KCNAB3: variants seen among roughly 807,000 people sequenced by gnomAD.
KCNAB3 encodes the protein voltage-gated potassium channel subunit beta-3.
Under a neutral mutation model 67.7 loss-of-function variants are expected in KCNAB3, and 62 were observed. The observed-to-expected ratio is 0.92, with a 90% CI of 0.75 to 1.13. KCNAB3 has a LOEUF of 1.13. Ranked by LOEUF, KCNAB3 falls within the 50% of genes most tolerant of loss-of-function variation. The pLI is 0.00. For synonymous variants in KCNAB3, 212 were observed against 205.4 expected (o/e 1.03, Z -0.27); for missense variants, 514 against 522.9 (o/e 0.98, Z 0.17).
chr17:7,926,651 G>A (rs1972242372), intron 4 of KCNAB3, among the ~76,000 whole-genome samples: 1 of 152,152 alleles, frequency 6.6e-6, no homozygotes, highest in South Asian at 2.1e-4. Flanking sequence ...TTACTGAAAT[G>A]TTTTACCGTT....
intron 11 of KCNAB3, 22 bp from the exon 12 acceptor site, chr17:7,923,853 C>T (rs1348108190): frequency 7.0e-6 from 11 of 1,563,778 alleles, no homozygotes; most frequent in Non-Finnish European, 8.7e-6. Context: ...GAAGAATCAA[C>T]AGAAGACCCC....
Position 7,929,835 on chromosome 17 carries a change from G to GAGTAT in KCNAB3, c.-401_-400insATACT. ...TGCGGGACCCGCTGGGCTCCCAGCC[G>GAGTAT]CGTCGGCAGCGGGCCCAGCTCATCA... On this transcript the variant is annotated 5_prime_UTR_variant, in exon 1 of 14. Transcript: ENST00000303790. This position sits in a 1 kb window ranked among gnomAD's most constrained non-coding sequence, Gnocchi z 5.7. 2.9e-6 allele frequency: 3 copies of GAGTAT among 1,029,896 alleles called. No homozygotes were observed. Among genetic ancestry groups the GAGTAT allele is most frequent in the Non-Finnish European group, 3.5e-6 (3 of 857,820 alleles). 63.8% of individuals were successfully genotyped at this position (1,029,896 alleles called of 1,614,324 possible).
At position 7,923,759 on chromosome 17, in the gene KCNAB3, G is replaced by C; in HGVS notation, c.1000C>G (p.Leu334Val). Residue 334 changes from leucine (L) to valine (V), a missense_variant, in exon 12 of 14, where the codon CTT (leucine) becomes GTT (valine). Coordinates refer to ENST00000303790, the MANE Select transcript of KCNAB3 (RefSeq NM_004732.4). ...CAGCCCAGCTGGTGAGCGACAGGAA[G>C]AAGGTCCATGACTTTGGCTTGTTGC... ...KKQQAKVMDL[L>V]PVAHQLGCTV... 6.3e-7 allele frequency: 1 copy of C among 1,577,546 alleles called. No homozygotes were observed. Among genetic ancestry groups the C allele is most frequent in the African/African-American group, 1.3e-5 (1 of 74,362 alleles).
chr17:7,924,305 A>G (rs1225249942), intron 9 of KCNAB3, 40 bp from the exon 10 acceptor site: 3 of 1,612,744 alleles, frequency 1.9e-6, no homozygotes, highest in East Asian at 4.5e-5. Flanking sequence ...TCAGAGCACT[A>G]CTTCCGTTTT....
chr17:7,929,795 T>TTTTTTAA lies in KCNAB3; in HGVS notation c.-361_-360insTTAAAAA. ...AAGCGGGGCGGGAGAGAGATGCCACTTCAGCGCGAACCGCTGCGGGACCCG... is the reference window on the plus strand; with the variant it reads ...AAGCGGGGCGGGAGAGAGATGCCACTTTTTTAATCAGCGCGAACCGCTGCGGGACCCG... On this transcript the variant is annotated 5_prime_UTR_variant, in exon 1 of 14. Transcript: ENST00000303790. This position sits in a 1 kb window ranked among gnomAD's most constrained non-coding sequence, Gnocchi z 5.7. 4 of 1,127,686 alleles carry TTTTTTAA rather than the reference T, an allele frequency of 3.5e-6. No individual in the cohort carries two copies. Among genetic ancestry groups the TTTTTTAA allele is most frequent in the Non-Finnish European group, 4.4e-6 (4 of 915,552 alleles). The allele number at this position is 1,127,686 out of a possible 1,614,324, so 69.9% of individuals were successfully genotyped here.
At position 7,929,518 on chromosome 17, in the gene KCNAB3, G is replaced by A; in HGVS notation, c.-83C>T. On this transcript the variant is annotated 5_prime_UTR_variant, in exon 1 of 14. In the 5' UTR this introduces an upstream ATG that the reference lacks. Coordinates refer to ENST00000303790, the MANE Select transcript of KCNAB3 (RefSeq NM_004732.4). This position sits in a 1 kb window ranked among gnomAD's most constrained non-coding sequence, Gnocchi z 5.7. ...AGCCCGAGGGCTGACGACCGGGGGCGTAGTGGGGCGAACCCCGGCAGAGCG... is the reference window on the plus strand; with the variant it reads ...AGCCCGAGGGCTGACGACCGGGGGCATAGTGGGGCGAACCCCGGCAGAGCG... 6 of 1,531,264 alleles carry A rather than the reference G, an allele frequency of 3.9e-6. No individual in the cohort carries two copies. Among genetic ancestry groups the A allele is most frequent in the South Asian group, 1.2e-5 (1 of 82,530 alleles). 94.9% of individuals were successfully genotyped at this position (1,531,264 alleles called of 1,614,324 possible).
In KCNAB3 at chr17:7,929,248, G is replaced by C. The variant is rs898912608; in HGVS notation, c.188C>G (p.Ala63Gly). 8.7e-6 allele frequency: 14 copies of C among 1,608,834 alleles called. No homozygotes were observed. The highest frequency in any genetic ancestry group is 1.2e-5 in the Non-Finnish European group (14 of 1,178,328). The change falls in exon 1 of 14, where the codon GCG becomes GGG. Residue 63 changes from alanine to glycine, a missense_variant. Coordinates refer to ENST00000303790, the MANE Select transcript of KCNAB3 (RefSeq NM_004732.4). This position sits in a 1 kb window ranked among gnomAD's most constrained non-coding sequence, Gnocchi z 5.7. The stretch of plus-strand genomic sequence containing the variant: ...GCTCTCTCGGAGGGCCCCAGCGGGC[G>C]CTGGGGGTCGGGGAACCAGTGCAGC... ...ARAALVPRPP[A>G]PAGALRESTG... is the part of the protein sequence containing the mutation.
Position 7,929,806 on chromosome 17 carries a change from CCGCTGCGGG to C in KCNAB3, c.-380_-372del. 9.6e-7 allele frequency: 1 copy of C among 1,041,562 alleles called. No individual in the cohort carries two copies. The highest frequency in any genetic ancestry group is 3.3e-5 in the South Asian group (1 of 30,114). 64.5% of individuals were successfully genotyped at this position (1,041,562 alleles called of 1,614,324 possible). A position where few individuals can be genotyped will look rare whatever the true frequency, so the allele number is the denominator to read the frequency against. ...GAGAGAGATGCCACTTCAGCGCGAA[CCGCTGCGGG>C]ACCCGCTGGGCTCCCAGCCGCGTCG... On this transcript the variant is annotated 5_prime_UTR_variant, in exon 1 of 14. Transcript: ENST00000303790. This position sits in a 1 kb window ranked among gnomAD's most constrained non-coding sequence, Gnocchi z 5.7.
chr17:7,923,055 CGGGCGGGT>C lies in KCNAB3; in HGVS notation c.*39_*46del, dbSNP rs1567889928. ...AGAGGCGGCTGCGAGGAGCGGGGCT[CGGGCGGGT>C]GCAGCGACACCGGGTTGGGTCCCTG... On this transcript the variant is annotated 3_prime_UTR_variant, in exon 14 of 14. Coordinates refer to ENST00000303790, the MANE Select transcript of KCNAB3 (RefSeq NM_004732.4). 1 of 1,574,964 alleles carries C rather than the reference CGGGCGGGT, an allele frequency of 6.3e-7. No homozygotes were observed. Among genetic ancestry groups the C allele is most frequent in the Non-Finnish European group, 8.7e-7 (1 of 1,145,030 alleles).
chr17:7,927,989 G>C, intron 1 of KCNAB3, 163 bp from the exon 2 acceptor site: 1 of 754,992 alleles, frequency 1.3e-6, no homozygotes, highest in South Asian at 1.6e-5. Flanking sequence ...TATCTCCAGA[G>C]CAGAGGTCCT....
Position 7,925,695 on chromosome 17 carries a change from G to A in KCNAB3, c.526C>T (p.His176Tyr). The A allele has an allele frequency of 2.5e-6, 4 of 1,614,028 alleles. No homozygotes were observed. The highest frequency in any genetic ancestry group is 3.4e-6 in the Non-Finnish European group (4 of 1,180,010). The change falls in exon 7 of 14, where the codon CAC (histidine) becomes TAC (tyrosine). Residue 176 changes from histidine to tyrosine, a missense_variant. Coordinates refer to ENST00000303790, the MANE Select transcript of KCNAB3 (RefSeq NM_004732.4). ...CCCTAACTCTCACCCTCAATGATGT[G>A]CTTTCGGCTTAAACCTCGCTCGGTT... ...AETERGLSRKHIIEGLRGSLE... is the reference protein window; with the variant it reads ...AETERGLSRKYIIEGLRGSLE...
Position 7,924,410 on chromosome 17 carries a change from C to G in KCNAB3, c.711+5G>C, listed in dbSNP as rs778918865. On this transcript the variant is annotated splice_donor_5th_base_variant and intron_variant, in intron 9 of 13. Coordinates refer to ENST00000303790, the MANE Select transcript of KCNAB3 (RefSeq NM_004732.4). ...GACAGGGGCAAGGTGGGGTCACACA[C>G]TCACCATGATTTCTGCAGCCCCCCA... 1 of 1,613,258 alleles carries G rather than the reference C, an allele frequency of 6.2e-7. No homozygotes were observed. The highest frequency in any genetic ancestry group is 1.7e-5 in the Admixed American group (1 of 59,944).
chr17:7,927,141 C>T (rs898448661), intron 4 of KCNAB3: 61 of 632,288 alleles, frequency 9.6e-5, no homozygotes, highest in Non-Finnish European at 1.7e-4. Context: ...TGTAGCTGCA[C>T]AGTACGCCCA....
chr17:7,929,228 CTCGGAGGGCCCCAGCGGGCGCTGGGGG>C lies in KCNAB3; in HGVS notation c.181_207del (p.Pro61_Arg69del). The C allele has an allele frequency of 6.2e-7, 1 of 1,611,376 alleles. No homozygotes were observed. The stretch of plus-strand genomic sequence containing the variant: ...ATGCCAGTGCCTCGGCCGGTGCTCT[CTCGGAGGGCCCCAGCGGGCGCTGGGGG>C]TCGGGGAACCAGTGCAGCTCGGGCC... On this transcript the variant is annotated inframe_deletion, in exon 1 of 14. Transcript: ENST00000303790. The surrounding 1 kb of genome is among the most constrained non-coding windows in gnomAD (Gnocchi z 5.7).
Position 7,929,203 on chromosome 17 carries a change from A to C in KCNAB3, c.233T>G (p.Met78Arg). 1 of 1,612,078 alleles carries C rather than the reference A, an allele frequency of 6.2e-7. No homozygotes were observed. Among genetic ancestry groups the C allele is most frequent in the Non-Finnish European group, 8.5e-7 (1 of 1,179,610 alleles). Residue 78 changes from methionine (M) to arginine (R), a missense_variant, in exon 1 of 14, where the codon ATG (methionine) becomes AGG (arginine). Physicochemically the swap from Met to Arg is moderately conservative, Grantham distance 91 (BLOSUM62 -1). Transcript: ENST00000303790. This position sits in a 1 kb window ranked among gnomAD's most constrained non-coding sequence, Gnocchi z 5.7. Reference protein sequence around the residue: ...LRESTGRGTGMKYRNLGKSGL... With the variant: ...LRESTGRGTGRKYRNLGKSGL... ...CCGGCCACCCCCATACCTGTATTTC[A>C]TGCCAGTGCCTCGGCCGGTGCTCTC...
chr17:7,924,076 A>G lies in KCNAB3; in HGVS notation c.833-14T>C. On this transcript the variant is annotated splice_polypyrimidine_tract_variant and intron_variant, in intron 10 of 13. Transcript: ENST00000303790. ...CTGATCCAACTCCTAAGGGAAGAAC[A>G]CTGGGTGTCAGGAAAAGGACCTAGC... 1.9e-6 allele frequency: 3 copies of G among 1,614,170 alleles called. No homozygotes were observed. Among genetic ancestry groups the G allele is most frequent in the Non-Finnish European group, 2.5e-6 (3 of 1,180,008 alleles).
At chr17:7,926,997 A>C in intron 4 of KCNAB3, 1 of 283,946 alleles carries the variant, frequency 3.5e-6, no homozygotes, top group Non-Finnish European at 6.9e-6. Flanking sequence ...AGTGTTTGCT[A>C]GATGGGGAAG....
rs555546822 is a variant in KCNAB3, at chr17:7,923,009, C to A, written c.*93G>T. The A allele has an allele frequency of 5.5e-5, 68 of 1,232,062 alleles. No individual in the cohort carries two copies. In the South Asian group the frequency reaches 7.8e-4, roughly 14 times the overall value. The allele number at this position is 1,232,062 out of a possible 1,614,324, so 76.3% of individuals were successfully genotyped here. On this transcript the variant is annotated 3_prime_UTR_variant, in exon 14 of 14. Coordinates refer to ENST00000303790, the MANE Select transcript of KCNAB3 (RefSeq NM_004732.4). ...GGGGCTAGTCTGGCTCCGGCCGCTG[C>A]GTGGAGGGATCCGGAGCGGGAGAGG...
intron 2 of KCNAB3, 37 bp downstream of exon 2, chr17:7,927,746 G>C: frequency 6.2e-7 from 1 of 1,614,200 alleles, no homozygotes; most frequent in Non-Finnish European, 8.5e-7. Flanking sequence ...GACCATGAAA[G>C]AATGCCCTCC....
Sources: gnomAD v4.1 joint callset for allele counts (sites outside exome capture counted in the v4.1 genomes callset) on GRCh38, gnomAD v4.1.1 for gene constraint, Gnocchi (gnomAD v3.1) non-coding constraint, MANE v1.5 for transcripts, NCBI Gene and HGNC (gene_info 2026-07-23, HGNC 2026-07-21) for gene names.